The following EYS variants were observed in gnomAD, a reference collection of about 807,000 sequenced individuals.
EYS encodes the protein EGF-like photoreceptor maintenance factor.
In EYS, 250 loss-of-function variants were observed where a neutral mutation model predicts 282.1. The ratio of observed to expected loss-of-function variants is 0.89; its 90% confidence interval spans 0.80 to 0.98. The LOEUF (loss-of-function observed/expected upper bound fraction) is 0.98. EYS is among the 50% of genes least tolerant of loss of function. The pLI is 0.00. For synonymous variants in EYS, 1,355 were observed against 1,282.9 expected (o/e 1.06, Z -1.20); for missense variants, 4,016 against 3,709.0 (o/e 1.08, Z -2.15).
chr6:64,424,342 C>T (rs1385851853), intron 28 of EYS, among the ~76,000 whole-genome samples: 1 of 152,146 alleles, frequency 6.6e-6, no homozygotes, highest in Admixed American at 6.5e-5. Flanking sequence ...TCATTTAAAA[C>T]ACTGATATTT....
chr6:64,906,309 A>C (rs768410452), intron 16 of EYS, among the ~76,000 whole-genome samples: 2 of 152,066 alleles, frequency 1.3e-5, no homozygotes, highest in Non-Finnish European at 2.9e-5. Flanking sequence ...TTTAGAAAGT[A>C]ATAAATATTT....
chr6:63,727,359 T>G (rs1768651836), intron 41 of EYS, among the ~76,000 whole-genome samples: 1 of 152,118 alleles, frequency 6.6e-6, no homozygotes, highest in South Asian at 2.1e-4. Flanking sequence ...CTCCCTGCTC[T>G]GTGGACCAGG....
intron 14 of EYS, 93 bp downstream of exon 14, chr6:64,997,489 C>A: frequency 8.2e-7 from 1 of 1,213,540 alleles, no homozygotes; most frequent in South Asian, 1.5e-5. Context: ...ATATACTAAC[C>A]TAACACACAG....
At chr6:64,518,489 T>C (rs546796679) in intron 26 of EYS, among the ~76,000 whole-genome samples, 43 of 151,974 alleles carry the variant, frequency 2.8e-4, no homozygotes, top group African/African-American at 9.6e-4. Flanking sequence ...AACTCTCTTG[T>C]AAGCTAAGTT....
rs1770136306 is a variant in EYS at position 64,967,411 on chromosome 6, GC to G, written c.2260-21498del. ...ATGATCTTGGCTCACTTCAACCTCT[GC>G]CTCCTGGGTTCAAGTGATTCTCCTG... On this transcript the variant is annotated intron_variant, in intron 14 of 42. Coordinates refer to ENST00000503581, the MANE Select transcript of EYS (RefSeq NM_001142800.2). Among the ~76,000 whole-genome samples the G allele has an allele frequency of 2.0e-5, 3 of 151,370 alleles. No homozygotes were observed. The South Asian group carries it at 6.3e-4, about 32-fold the overall frequency.
chr6:65,092,453 A>G (rs1257462661), intron 12 of EYS, among the ~76,000 whole-genome samples: 1 of 152,204 alleles, frequency 6.6e-6, no homozygotes, highest in African/African-American at 2.4e-5. Flanking sequence ...TCATAGAAGT[A>G]TATGACTATG....
At chr6:65,347,062 C>G (rs1267767417) in intron 9 of EYS, among the ~76,000 whole-genome samples, 1 of 151,700 alleles carries the variant, frequency 6.6e-6, no homozygotes, top group African/African-American at 2.4e-5. Context: ...AAGGTTAGGT[C>G]AAATGGTATA....
intron 13 of EYS, among the ~76,000 whole-genome samples, chr6:65,004,093 A>C (rs1389524327): frequency 6.8e-6 from 1 of 147,382 alleles, no homozygotes; most frequent in East Asian, 2.1e-4. Flanking sequence ...GGGGTGATAT[A>C]TGTATAAAAT....
chr6:64,953,072 A>G (rs1174509381), intron 14 of EYS, among the ~76,000 whole-genome samples: 1 of 151,932 alleles, frequency 6.6e-6, no homozygotes, highest in Non-Finnish European at 1.5e-5. Context: ...ATTCATTTAA[A>G]TAATTATTTC....
chr6:64,824,902 C>T (rs1765006705), intron 19 of EYS, among the ~76,000 whole-genome samples: 1 of 151,802 alleles, frequency 6.6e-6, no homozygotes, highest in African/African-American at 2.4e-5. Flanking sequence ...TCTAAGTAGC[C>T]TCCAAAGAGG....
At chr6:65,688,754 C>G (rs1486783240) in intron 1 of EYS, among the ~76,000 whole-genome samples, 65 of 152,126 alleles carry the variant, frequency 4.3e-4, no homozygotes, top group Non-Finnish European at 7.2e-4. Context: ...ATTTAAGCAG[C>G]CAAAAGACAC....
rs143896324 is a variant in EYS at position 64,722,404 on chromosome 6, G to A, written c.3443+90974C>T. Among the ~76,000 whole-genome samples the A allele has an allele frequency of 2.6e-5, 4 of 151,990 alleles. No individual in the cohort carries two copies. The East Asian group carries it at 7.8e-4, about 29-fold the overall frequency. Reference sequence around the variant, plus strand: ...GGCAACAGAGTATGGGAAATGGTCAGTAGTGTTAGCAGACTTGATAAAACG... The same window carrying A: ...GGCAACAGAGTATGGGAAATGGTCAATAGTGTTAGCAGACTTGATAAAACG... On this transcript the variant is annotated intron_variant, in intron 22 of 42. Transcript: ENST00000503581.
At chr6:64,575,913 C>T (rs904688884) in intron 26 of EYS, among the ~76,000 whole-genome samples, 14 of 152,034 alleles carry the variant, frequency 9.2e-5, no homozygotes, top group African/African-American at 3.1e-4. Flanking sequence ...TAGATAAATT[C>T]ATATAATCCT....
intron 33 of EYS, among the ~76,000 whole-genome samples, chr6:64,051,136 T>C (rs893921031): frequency 7.2e-5 from 11 of 152,112 alleles, no homozygotes; most frequent in Non-Finnish European, 1.3e-4. Flanking sequence ...GTATTTTGTT[T>C]ATAGAAAAAA....
intron 22 of EYS, among the ~76,000 whole-genome samples, chr6:64,766,121 T>A (rs894792076): frequency 2.0e-5 from 3 of 149,994 alleles, no homozygotes; most frequent in Non-Finnish European, 4.4e-5. Context: ...AGAGATGGGG[T>A]TTCACCATAT....
At chr6:65,565,446 C>G (rs1017919083) in intron 2 of EYS, among the ~76,000 whole-genome samples, 1 of 151,954 alleles carries the variant, frequency 6.6e-6, no homozygotes, top group Non-Finnish European at 1.5e-5. Context: ...AGTCAGGAAA[C>G]AACAGATGCT....
At chr6:64,571,471 A>T (rs1299988617) in intron 26 of EYS, among the ~76,000 whole-genome samples, 3 of 152,188 alleles carry the variant, frequency 2.0e-5, no homozygotes, top group African/African-American at 7.2e-5. Flanking sequence ...CCTTTCAAAA[A>T]ATCAATGAAT....
At chr6:64,011,635 T>C (rs2149812095) in intron 33 of EYS, among the ~76,000 whole-genome samples, 1 of 152,278 alleles carries the variant, frequency 6.6e-6, no homozygotes, top group East Asian at 1.9e-4. Flanking sequence ...GATTTTTTTT[T>C]CTTTTTAAGG....
At chr6:64,504,621 T>C (rs760677237) in intron 26 of EYS, among the ~76,000 whole-genome samples, 40 of 152,262 alleles carry the variant, frequency 2.6e-4, no homozygotes, top group Admixed American at 6.5e-4. Flanking sequence ...GACTGGAGAC[T>C]CAGGAAGAAG....
Sources: allele counts gnomAD v4.1 joint callset (sites outside exome capture counted in the v4.1 genomes callset), GRCh38; gene constraint gnomAD v4.1.1; transcripts MANE v1.5; gene names NCBI Gene and HGNC (gene_info 2026-07-23, HGNC 2026-07-21).